The following MBNL2 variants were observed in gnomAD, a reference collection of about 807,000 sequenced individuals.
MBNL2 encodes muscleblind-like protein 2.
A neutral mutation model predicts 41.9 loss-of-function variants in MBNL2; 17 were observed. The ratio of observed to expected loss-of-function variants is 0.41; its 90% CI spans 0.28 to 0.61. The LOEUF is 0.61. Among genes scored for constraint, MBNL2 ranks in the 20% least tolerant of loss-of-function variants. MBNL2 has a pLI of 0.35. For synonymous variants in MBNL2, 195 were observed against 182.9 expected, an observed-to-expected ratio of 1.07 and a Z score of -0.53; for missense variants, 336 against 505.6, an observed-to-expected ratio of 0.66 and a Z score of 3.22.
At chr13:97,266,126 C>T (rs545898543) in intron 1 of MBNL2, among the ~76,000 whole-genome samples, 3 of 152,132 alleles carry the variant, frequency 2.0e-5, no homozygotes, top group South Asian at 2.1e-4. Flanking sequence ...CCTGTAATCC[C>T]AACTACTTGG....
intron 5 of MBNL2, among the ~76,000 whole-genome samples, chr13:97,353,525 T>C (rs1468066490): frequency 6.6e-6 from 1 of 152,242 alleles, no homozygotes; most frequent in African/African-American, 2.4e-5. Flanking sequence ...ATTTTTATTA[T>C]TGTCTGGAGA....
At chr13:97,243,011 C>G (rs745638171) in intron 1 of MBNL2, among the ~76,000 whole-genome samples, 1 of 152,220 alleles carries the variant, frequency 6.6e-6, no homozygotes, top group Non-Finnish European at 1.5e-5. Flanking sequence ...TTCTTGCCCT[C>G]TATCAGCCTG....
At chr13:97,342,984 A>T in intron 3 of MBNL2, 32 bp from the exon 4 acceptor site, 1 of 1,368,248 alleles carries the variant, frequency 7.3e-7, no homozygotes, top group Non-Finnish European at 1.0e-6. Flanking sequence ...ATTCTAAATA[A>T]CTCTTTCTCC....
At chr13:97,206,077 A>G in the MBNL2 span, among the ~76,000 whole-genome samples, 1 of 152,192 alleles carries the variant, frequency 6.6e-6, no homozygotes, top group East Asian at 1.9e-4. Context: ...ATAAAAGCCA[A>G]TGAGTAGTCA....
the MBNL2 span, among the ~76,000 whole-genome samples, chr13:97,148,547 T>A: frequency 6.6e-6 from 1 of 152,174 alleles, no homozygotes; most frequent in Non-Finnish European, 1.5e-5. Context: ...GGGGAGGCTA[T>A]TCATGAGCAG....
the MBNL2 span, among the ~76,000 whole-genome samples, chr13:97,160,629 G>A: frequency 6.6e-6 from 1 of 152,056 alleles, no homozygotes; most frequent in Non-Finnish European, 1.5e-5. Flanking sequence ...TTTGCTTTCA[G>A]TTACATGGCT....
At chr13:97,204,093 T>C in the MBNL2 span, among the ~76,000 whole-genome samples, 6 of 152,378 alleles carry the variant, frequency 3.9e-5, no homozygotes, top group Non-Finnish European at 8.8e-5. Context: ...ACCTGGGGTC[T>C]GTCTGCTGAG....
chr13:97,171,740 T>G, the MBNL2 span, among the ~76,000 whole-genome samples: 1 of 152,142 alleles, frequency 6.6e-6, no homozygotes, highest in Non-Finnish European at 1.5e-5. Context: ...CTTGATATGG[T>G]TTGGCTGTGT....
chr13:97,313,334 T>A (rs1285173179), intron 2 of MBNL2, among the ~76,000 whole-genome samples: 1 of 152,210 alleles, frequency 6.6e-6, no homozygotes, highest in Non-Finnish European at 1.5e-5. Flanking sequence ...TTCTTTTCCA[T>A]GCATCTAACT....
At chr13:97,329,763 GCA>G (rs1220117877) in intron 2 of MBNL2, among the ~76,000 whole-genome samples, 2 of 510 alleles carry the variant, frequency 3.9e-3, no homozygotes, top group African/African-American at 0.015. Context: ...TACACACACA[GCA>G]CACACACAAC....
At chr13:97,170,341 A>G in the MBNL2 span, among the ~76,000 whole-genome samples, 212 of 152,348 alleles carry the variant, frequency 1.4e-3, 1 homozygote, top group Non-Finnish European at 2.0e-3. Context: ...CTTAGTAATA[A>G]TTATGGAACA....
At chr13:97,353,006 C>T (rs990491626) in intron 5 of MBNL2, among the ~76,000 whole-genome samples, 54 of 152,182 alleles carry the variant, frequency 3.5e-4, no homozygotes, top group African/African-American at 1.2e-3. Context: ...CATTTCCCTG[C>T]TGCATTTCTT....
At chr13:97,290,682 C>CAA (rs144219795) in intron 2 of MBNL2, among the ~76,000 whole-genome samples, 322 of 114,882 alleles carry the variant, frequency 2.8e-3, no homozygotes, top group African/African-American at 9.9e-3. Context: ...GACTCCGTCT[C>CAA]AAAAAAAAAA....
At chr13:97,241,007 T>G (rs545415076) in intron 1 of MBNL2, among the ~76,000 whole-genome samples, 12 of 152,284 alleles carry the variant, frequency 7.9e-5, no homozygotes, top group African/African-American at 2.9e-4. Context: ...ACTGACTGAA[T>G]GAATGAATGA....
Position 97,276,169 on chromosome 13 carries a change from G to A in MBNL2, c.-67G>A, listed in dbSNP as rs2052092316. 30 of 1,257,120 alleles carry A rather than the reference G, an allele frequency of 2.4e-5. No homozygotes were observed. In the South Asian group the frequency reaches 3.4e-4, roughly 14 times the overall value. The allele number at this position is 1,257,120 out of a possible 1,614,324, so 77.9% of individuals were successfully genotyped here. ...GGGAGTTTTCACAACAGTAGTTTTG[G>A]AATCATTAGAACTTGGATTGATTTC... is the stretch of plus-strand genomic sequence containing the variant. On this transcript the variant is annotated 5_prime_UTR_variant, in exon 2 of 9. Coordinates refer to ENST00000679496, the MANE Select transcript of MBNL2 (RefSeq NM_001382683.1).
the MBNL2 span, among the ~76,000 whole-genome samples, chr13:97,173,552 T>C: frequency 1.3e-5 from 2 of 152,342 alleles, no homozygotes; most frequent in East Asian, 3.9e-4. Flanking sequence ...CTTGCCTGCC[T>C]GCCCTGGCCT....
chr13:97,285,113 A>G (rs1292251125), intron 2 of MBNL2, among the ~76,000 whole-genome samples: 1 of 152,206 alleles, frequency 6.6e-6, no homozygotes, highest in Non-Finnish European at 1.5e-5. Context: ...CACTTCTTTC[A>G]GTCAAACTTT....
At chr13:97,170,215 T>C in the MBNL2 span, among the ~76,000 whole-genome samples, 723 of 152,378 alleles carry the variant, frequency 4.7e-3, no homozygotes, top group Non-Finnish European at 9.0e-3. Context: ...CTTGTGATTA[T>C]ATGTAAAGCA....
the MBNL2 span, among the ~76,000 whole-genome samples, chr13:97,205,373 G>A: frequency 1.5e-4 from 23 of 151,430 alleles, no homozygotes; most frequent in African/African-American, 5.6e-4. Context: ...CTGGGTGACA[G>A]AGCGAGACTC....
Sources: gnomAD v4.1 joint callset for allele counts (sites outside exome capture counted in the v4.1 genomes callset) on GRCh38, gnomAD v4.1.1 for gene constraint, MANE v1.5 for transcripts, NCBI Gene and HGNC (gene_info 2026-07-23, HGNC 2026-07-21) for gene names.